The following CCSER1 variants were observed in gnomAD, a reference collection of about 807,000 sequenced individuals.
CCSER1 encodes the protein coiled-coil serine rich protein 1, also known as serine-rich coiled-coil domain-containing protein 1.
In CCSER1, 41 loss-of-function variants were observed where a neutral mutation model predicts 82.0. The observed-to-expected ratio is 0.50, with a 90% CI of 0.39 to 0.65. The LOEUF (loss-of-function observed/expected upper bound fraction) is 0.65. Ranked by LOEUF, CCSER1 falls within the 30% of genes least tolerant of loss-of-function variation. The pLI is 0.00. For missense variants in CCSER1, 1,119 were observed against 1,064.2 expected (o/e 1.05, Z -0.72); for synonymous variants, 414 against 383.9 (o/e 1.08, Z -0.92).
intron 10 of CCSER1, among the ~76,000 whole-genome samples, chr4:91,422,204 A>G (rs1192883248): frequency 6.6e-6 from 1 of 151,882 alleles, no homozygotes; most frequent in Non-Finnish European, 1.5e-5. Context: ...GTTTCTGGTA[A>G]TTTGTTACAT....
At chr4:90,636,177 A>G (rs1447712254) in intron 6 of CCSER1, among the ~76,000 whole-genome samples, 3 of 152,008 alleles carry the variant, frequency 2.0e-5, no homozygotes, top group African/African-American at 7.2e-5. Flanking sequence ...AAAGAACATT[A>G]TGGCAAAAAA....
intron 1 of CCSER1, among the ~76,000 whole-genome samples, chr4:90,246,954 C>G (rs1560871808): frequency 6.6e-6 from 1 of 151,760 alleles, no homozygotes; most frequent in Admixed American, 6.6e-5. Flanking sequence ...TCCAAATGGC[C>G]AGCATCACGG....
intron 1 of CCSER1, among the ~76,000 whole-genome samples, chr4:90,217,454 T>C (rs892741011): frequency 3.9e-5 from 6 of 152,308 alleles, no homozygotes; most frequent in Non-Finnish European, 8.8e-5. Context: ...CGCCTCGGCC[T>C]CCCAAAGTAC....
At chr4:90,226,857 T>A (rs1578600834) in intron 1 of CCSER1, among the ~76,000 whole-genome samples, 2 of 152,186 alleles carry the variant, frequency 1.3e-5, no homozygotes, top group Admixed American at 6.5e-5. Context: ...CCAGATCATC[T>A]CCCAGCCAAT....
chr4:90,474,684 A>G (rs1222312563), intron 5 of CCSER1, among the ~76,000 whole-genome samples: 1 of 152,214 alleles, frequency 6.6e-6, no homozygotes, highest in Admixed American at 6.5e-5. Flanking sequence ...GCACATTAGT[A>G]AATGGAGGAT....
chr4:90,192,294 C>T (rs1735789286), intron 1 of CCSER1, among the ~76,000 whole-genome samples: 1 of 151,932 alleles, frequency 6.6e-6, no homozygotes, highest in Admixed American at 6.6e-5. Flanking sequence ...AAAGACCTGC[C>T]CCATGATTCA....
At chr4:91,410,348 G>A (rs1752949040) in intron 10 of CCSER1, among the ~76,000 whole-genome samples, 1 of 151,840 alleles carries the variant, frequency 6.6e-6, no homozygotes, top group Non-Finnish European at 1.5e-5. Flanking sequence ...TAACTTAAAG[G>A]GTAGTATGAG....
chr4:90,525,657 T>G (rs1415215631), intron 5 of CCSER1, among the ~76,000 whole-genome samples: 1 of 152,160 alleles, frequency 6.6e-6, no homozygotes, highest in Non-Finnish European at 1.5e-5. Flanking sequence ...TTGTTCCCTC[T>G]GTCTTTTAAT....
chr4:91,206,389 T>C (rs1185298979), intron 10 of CCSER1, among the ~76,000 whole-genome samples: 1 of 151,912 alleles, frequency 6.6e-6, no homozygotes, highest in Non-Finnish European at 1.5e-5. Context: ...TTCAAGGCGC[T>C]GAAAAGCGAG....
intron 10 of CCSER1, among the ~76,000 whole-genome samples, chr4:91,551,571 C>T (rs139269655): frequency 6.1e-4 from 92 of 151,590 alleles, no homozygotes; most frequent in African/African-American, 2.1e-3. Context: ...CAATTTATGA[C>T]GAAAGCTGAG....
At chr4:91,105,501 T>G (rs1174671372) in intron 10 of CCSER1, among the ~76,000 whole-genome samples, 3 of 151,842 alleles carry the variant, frequency 2.0e-5, no homozygotes, top group Non-Finnish European at 4.4e-5. Context: ...GTCAGGAGTT[T>G]GAGACCAGCC....
chr4:91,570,273 C>G (rs1763107478), intron 10 of CCSER1, among the ~76,000 whole-genome samples: 1 of 151,788 alleles, frequency 6.6e-6, no homozygotes, highest in Admixed American at 6.5e-5. Context: ...ACAGTGGAAG[C>G]TGTCAGTGGG....
At chr4:90,400,712 A>T (rs960704436) in intron 4 of CCSER1, among the ~76,000 whole-genome samples, 4 of 152,184 alleles carry the variant, frequency 2.6e-5, no homozygotes, top group Admixed American at 6.5e-5. Context: ...TAATGGCTTA[A>T]ATTTATATTA....
chr4:91,260,619 G>A (rs1261237835), intron 10 of CCSER1, among the ~76,000 whole-genome samples: 3 of 152,058 alleles, frequency 2.0e-5, no homozygotes, highest in Non-Finnish European at 4.4e-5. Flanking sequence ...GCTGTTGTTC[G>A]TGGTTCTATG....
At chr4:90,919,262 A>G (rs78720355) in intron 8 of CCSER1, among the ~76,000 whole-genome samples, 35,217 of 151,754 alleles carry the variant, frequency 0.23, 4,812 homozygotes, top group Non-Finnish European at 0.31. Flanking sequence ...CAGCAACACT[A>G]TTTGTAAGCT....
intron 5 of CCSER1, among the ~76,000 whole-genome samples, chr4:90,523,483 T>C (rs1773382365): frequency 1.3e-5 from 2 of 152,294 alleles, no homozygotes; most frequent in South Asian, 4.1e-4. Flanking sequence ...TAAAGGATAA[T>C]ATTTTCACAG....
At chr4:91,371,387 C>G (rs1426846497) in intron 10 of CCSER1, among the ~76,000 whole-genome samples, 4 of 151,934 alleles carry the variant, frequency 2.6e-5, no homozygotes, top group African/African-American at 7.3e-5. Context: ...TAATTATTAG[C>G]TCCCATAAAT....
chr4:91,402,676 C>G (rs1310783110), intron 10 of CCSER1, among the ~76,000 whole-genome samples: 3 of 152,144 alleles, frequency 2.0e-5, no homozygotes, highest in South Asian at 2.1e-4. Flanking sequence ...TCTTGTTTTT[C>G]TCAGGTTTGT....
At chr4:90,675,488 A>G (rs188093289) in intron 6 of CCSER1, among the ~76,000 whole-genome samples, 1 of 152,078 alleles carries the variant, frequency 6.6e-6, no homozygotes, top group East Asian at 1.9e-4. Flanking sequence ...TTGTATTTTA[A>G]GTATGTTGAA....
Sources: allele counts gnomAD v4.1 joint callset (sites outside exome capture counted in the v4.1 genomes callset), GRCh38; gene constraint gnomAD v4.1.1; transcripts MANE v1.5; gene names NCBI Gene and HGNC (gene_info 2026-07-23, HGNC 2026-07-21).